Variants in TMEM130 observed in about 807,000 individuals in gnomAD.
TMEM130 encodes transmembrane protein 130.
In TMEM130, 37 loss-of-function variants were observed where a neutral mutation model predicts 42.9. The observed-to-expected ratio is 0.86, with a 90% CI of 0.66 to 1.13. The LOEUF is 1.13. Ranked by LOEUF, TMEM130 falls within the 50% of genes most tolerant of loss-of-function variation. The pLI is 0.00. For missense variants in TMEM130, 545 were observed against 562.6 expected, an observed-to-expected ratio of 0.97 and a Z score of 0.32; for synonymous variants, 259 against 237.7, an observed-to-expected ratio of 1.09 and a Z score of -0.82.
intron 3 of TMEM130, 97 bp downstream of exon 3, chr7:98,860,082 A>AAT: frequency 1.7e-6 from 2 of 1,206,336 alleles, no homozygotes; most frequent in African/African-American, 1.6e-5. Flanking sequence ...AAAAAAAAAA[A>AAT]AATTAAAGGT....
At chr7:98,862,459 ATGAC>A (rs1794799207) in intron 2 of TMEM130, among the ~76,000 whole-genome samples, 1 of 147,838 alleles carries the variant, frequency 6.8e-6, no homozygotes, top group Non-Finnish European at 1.5e-5. Context: ...GAACCAGTGA[ATGAC>A]TGGCCCCAAG....
At chr7:98,851,400 A>C in intron 6 of TMEM130, 21 bp downstream of exon 6, 1 of 1,613,194 alleles carries the variant, frequency 6.2e-7, no homozygotes, top group South Asian at 1.1e-5. Flanking sequence ...GCACTGGAGC[A>C]GAAGGCGAGG....
At chr7:98,849,790 C>T (rs1250116450) in intron 6 of TMEM130, among the ~76,000 whole-genome samples, 1 of 152,156 alleles carries the variant, frequency 6.6e-6, no homozygotes, top group Non-Finnish European at 1.5e-5. Context: ...TGTTGCCTCC[C>T]TGTGCCTTAG....
chr7:98,853,650 C>G (rs145269800), intron 5 of TMEM130, among the ~76,000 whole-genome samples: 5 of 152,142 alleles, frequency 3.3e-5, no homozygotes, highest in Non-Finnish European at 5.9e-5. Context: ...AGTCCTTTAA[C>G]GCCTGGGCCC....
At chr7:98,859,557 A>G (rs28556608) in intron 3 of TMEM130, among the ~76,000 whole-genome samples, 20,190 of 151,902 alleles carry the variant, frequency 0.13, 4,427 homozygotes, top group African/African-American at 0.46. Context: ...GATGTTTGAA[A>G]GGAGACAGGG....
chr7:98,856,231 T>C, intron 3 of TMEM130, 48 bp from the exon 4 acceptor site: 1 of 1,582,420 alleles, frequency 6.3e-7, no homozygotes, highest in Non-Finnish European at 8.6e-7. Flanking sequence ...AGACGGTTGC[T>C]TCCCCTTCCT....
At chr7:98,852,128 T>G (rs1183269995) in intron 5 of TMEM130, among the ~76,000 whole-genome samples, 2 of 151,708 alleles carry the variant, frequency 1.3e-5, no homozygotes, top group African/African-American at 4.9e-5. Context: ...TTAATTTAAT[T>G]TAATTTAATT....
At chr7:98,857,722 CCT>C (rs1794667652) in intron 3 of TMEM130, among the ~76,000 whole-genome samples, 2 of 38,036 alleles carry the variant, frequency 5.3e-5, no homozygotes, top group African/African-American at 1.9e-4. Context: ...AAAAACACAT[CCT>C]TTTTTTTTTT....
At chr7:98,853,308 A>T (rs1374941130) in intron 5 of TMEM130, among the ~76,000 whole-genome samples, 6 of 151,602 alleles carry the variant, frequency 4.0e-5, no homozygotes, top group African/African-American at 1.5e-4. Context: ...CATCCCTCTC[A>T]TGTGTCTCTG....
intron 3 of TMEM130, 142 bp downstream of exon 3, chr7:98,860,037 C>A (rs1171382047): frequency 1.5e-6 from 1 of 687,286 alleles, no homozygotes; most frequent in Non-Finnish European, 2.1e-6. Flanking sequence ...CTACTGCACT[C>A]CAGCCTGGAT....
At chr7:98,864,697 G>A (rs142535949) in intron 1 of TMEM130, among the ~76,000 whole-genome samples, 37 of 151,932 alleles carry the variant, frequency 2.4e-4, no homozygotes, top group African/African-American at 8.7e-4. Context: ...TCAGGAGTTC[G>A]AGACCAGCCT....
intron 6 of TMEM130, among the ~76,000 whole-genome samples, chr7:98,850,273 A>ATATTTTTTTTTTTTTTTTTTTTTT: frequency 2.8e-5 from 1 of 35,450 alleles, no homozygotes; most frequent in Non-Finnish European, 6.3e-5. Context: ...ATATATATAT[A>ATATTTTTTTTTTTTTTTTTTTTTT]TTTTTTTTTT....
intron 2 of TMEM130, among the ~76,000 whole-genome samples, chr7:98,861,092 T>G (rs1289261253): frequency 6.6e-6 from 1 of 151,886 alleles, no homozygotes; most frequent in Non-Finnish European, 1.5e-5. Flanking sequence ...CCCAACACTT[T>G]GGGAGGCCAA....
chr7:98,860,121 C>T lies in TMEM130; in HGVS notation c.551+58G>A, dbSNP rs75860029. On this transcript the variant is annotated intron_variant, in intron 3 of 7. Transcript: ENST00000339375. Reference sequence around the variant, plus strand: ...GAGATTCGGAGTACCCTGCACAGTGCGCGGGACAGTGGGGCACCAGTGACA... The same window carrying T: ...GAGATTCGGAGTACCCTGCACAGTGTGCGGGACAGTGGGGCACCAGTGACA... 2.0e-4 allele frequency: 308 copies of T among 1,542,962 alleles called. No homozygotes were observed. The East Asian group carries it at 5.9e-3, about 30-fold the overall frequency.
chr7:98,850,273 A>ATATATATATATATTTTTTTTT, intron 6 of TMEM130, among the ~76,000 whole-genome samples: 1 of 35,472 alleles, frequency 2.8e-5, no homozygotes, highest in Admixed American at 4.3e-4. Context: ...ATATATATAT[A>ATATATATATATATTTTTTTTT]TTTTTTTTTT....
intron 4 of TMEM130, among the ~76,000 whole-genome samples, 161 bp downstream of exon 4, chr7:98,855,856 G>A (rs1423992993): frequency 6.6e-6 from 1 of 152,216 alleles, no homozygotes; most frequent in Non-Finnish European, 1.5e-5. Flanking sequence ...TCCGTGGCCT[G>A]CAGCGCTCTG....
rs1554401057 is a variant in TMEM130 at position 98,869,480 on chromosome 7, C to T, written c.85+297G>A. On this transcript the variant is annotated intron_variant, in intron 1 of 7. Transcript: ENST00000339375. The surrounding 1 kb of genome is among the most constrained non-coding windows in gnomAD (Gnocchi z 4.7). ...TAGCGGGTGCATGGTCCCCAGGCAT[C>T]GACGGATGCGCCGGCCACCCCCGCG... 1.2e-6 allele frequency: 1 copy of T among 821,616 alleles called. No homozygotes were observed. Among genetic ancestry groups the T allele is most frequent in the African/African-American group, 1.8e-5 (1 of 54,252 alleles). The allele number at this position is 821,616 out of a possible 1,614,324, so 50.9% of individuals were successfully genotyped here. A position where few individuals can be genotyped will look rare whatever the true frequency, so the allele number is the denominator to read the frequency against.
intron 3 of TMEM130, 93 bp downstream of exon 3, chr7:98,860,081 AAAATT>A: frequency 8.3e-7 from 1 of 1,209,612 alleles, no homozygotes; most frequent in Non-Finnish European, 1.1e-6. Context: ...AAAAAAAAAA[AAAATT>A]AAAGGTGAAG....
intron 1 of TMEM130, chr7:98,866,959 T>C (rs566835800): frequency 6.6e-6 from 1 of 151,864 alleles, no homozygotes; most frequent in Non-Finnish European, 1.5e-5. Context: ...TAGCCAGGCA[T>C]GGTAGCGTGC....
Sources: allele counts gnomAD v4.1 joint callset (sites outside exome capture counted in the v4.1 genomes callset), GRCh38; gene constraint gnomAD v4.1.1; non-coding constraint Gnocchi (gnomAD v3.1); transcripts MANE v1.5; gene names NCBI Gene and HGNC (gene_info 2026-07-23, HGNC 2026-07-21).